The following GRB14 variants were observed in gnomAD, a reference collection of about 807,000 sequenced individuals.
GRB14 encodes growth factor receptor-bound protein 14.
GRB14 carries 38 observed loss-of-function variants against 69.1 expected under a neutral mutation model. That is an observed-to-expected ratio of 0.55 (90% CI 0.42 to 0.72). GRB14 has a LOEUF of 0.72. Ranked by LOEUF, GRB14 falls within the 30% of genes least tolerant of loss-of-function variation. The pLI is 0.00. For missense variants in GRB14, 666 were observed against 666.1 expected, an observed-to-expected ratio of 1.00 and a Z score of 0.00; for synonymous variants, 247 against 241.3, an observed-to-expected ratio of 1.02 and a Z score of -0.22.
In GRB14 at chr2:164,497,538, A is replaced by T. The variant is rs113917260; in HGVS notation, c.1105-48T>A. The T allele has an allele frequency of 5.4e-5, 64 of 1,184,020 alleles. No individual in the cohort carries two copies. The African/African-American group carries it at 7.7e-4, about 14-fold the overall frequency. The allele number at this position is 1,184,020 out of a possible 1,614,324, so 73.3% of individuals were successfully genotyped here. A position where few individuals can be genotyped will look rare whatever the true frequency, so the allele number is the denominator to read the frequency against. On this transcript the variant is annotated intron_variant, in intron 9 of 13. Transcript: ENST00000263915. ...AGTTATGAAAATTTCTTTGAAAGTT[A>T]TCTTTCAAATAAATTGAAAGTGTTT...
In GRB14 at chr2:164,502,301, G is replaced by T; in HGVS notation, c.1058C>A (p.Pro353Gln). 1 of 1,605,842 alleles carries T rather than the reference G, an allele frequency of 6.2e-7. No individual in the cohort carries two copies. The highest frequency in any genetic ancestry group is 8.5e-7 in the Non-Finnish European group (1 of 1,173,156). The stretch of plus-strand genomic sequence containing the variant: ...ACTGCAGCCACTTCTACCTTGATAT[G>T]GATGCATATAATTCTGGTACAGCTG... Reference protein sequence around the residue: ...GMQLYQNYMHPYQGRSGCSSQ... With the variant: ...GMQLYQNYMHQYQGRSGCSSQ... Residue 353 changes from proline (P) to glutamine (Q), a missense_variant, in exon 9 of 14, where the codon CCA (proline) becomes CAA (glutamine). Transcript: ENST00000263915.
At chr2:164,524,329 C>T (rs1013327489) in intron 5 of GRB14, among the ~76,000 whole-genome samples, 1 of 151,806 alleles carries the variant, frequency 6.6e-6, no homozygotes, top group Non-Finnish European at 1.5e-5. Flanking sequence ...ACAAATCTAT[C>T]GAAAATTAAA....
intron 2 of GRB14, among the ~76,000 whole-genome samples, chr2:164,553,556 C>A (rs1399205489): frequency 6.6e-6 from 1 of 152,184 alleles, no homozygotes; most frequent in African/African-American, 2.4e-5. Context: ...TGATATTCCA[C>A]GCAGTAAATC....
intron 13 of GRB14, among the ~76,000 whole-genome samples, chr2:164,493,540 A>T (rs777965970): frequency 6.6e-6 from 1 of 152,184 alleles, no homozygotes; most frequent in Non-Finnish European, 1.5e-5. Flanking sequence ...TTCCTTTTCT[A>T]AATGTTGTCT....
chr2:164,514,057 TA>T (rs1410872749), intron 6 of GRB14, among the ~76,000 whole-genome samples: 1 of 152,242 alleles, frequency 6.6e-6, no homozygotes, highest in Non-Finnish European at 1.5e-5. Flanking sequence ...ATGTAACCAT[TA>T]TATAGGTAAA....
chr2:164,587,853 A>G lies in GRB14; in HGVS notation c.324+31834T>C, dbSNP rs140700688. Among the ~76,000 whole-genome samples the G allele has an allele frequency of 4.2e-4, 64 of 152,340 alleles. No homozygotes were observed. In the East Asian group the frequency reaches 0.012, roughly 28 times the overall value. ...AAAGCTTTTCTCACAGAAGTAAAAC[A>G]TCACATGAAAGACGGGGTGAAATGG... On this transcript the variant is annotated intron_variant, in intron 2 of 13. Transcript: ENST00000263915.
At chr2:164,597,822 T>C (rs780943700) in intron 2 of GRB14, among the ~76,000 whole-genome samples, 4 of 151,920 alleles carry the variant, frequency 2.6e-5, no homozygotes, top group East Asian at 3.9e-4. Flanking sequence ...TAGGGAAAAA[T>C]GGAAATACTT....
intron 3 of GRB14, among the ~76,000 whole-genome samples, chr2:164,534,480 A>C (rs537146637): frequency 6.6e-6 from 1 of 152,182 alleles, no homozygotes; most frequent in Non-Finnish European, 1.5e-5. Flanking sequence ...TTCAACAGGA[A>C]TATACAAGAT....
Position 164,508,746 on chromosome 2 carries a change from A to G in GRB14, c.923T>C (p.Phe308Ser). 6.3e-7 allele frequency: 1 copy of G among 1,582,456 alleles called. No individual in the cohort carries two copies. The highest frequency in any genetic ancestry group is 8.6e-7 in the Non-Finnish European group (1 of 1,168,790). The change falls in exon 7 of 14, where the codon TTT becomes TCT. Residue 308 changes from phenylalanine (F) to serine (S), a missense_variant. Coordinates refer to ENST00000263915, the MANE Select transcript of GRB14 (RefSeq NM_004490.3). ...HGAPTNYGFC[F>S]KPNKAGGPRD... ...ATCAAAATATTAAGCCTGTACCTTA[A>G]AGCAGAATCCATAGTTAGTCGGTGC... is the stretch of plus-strand genomic sequence containing the variant.
intron 3 of GRB14, among the ~76,000 whole-genome samples, chr2:164,545,802 A>G (rs189126318): frequency 6.6e-6 from 1 of 152,200 alleles, no homozygotes; most frequent in African/African-American, 2.4e-5. Context: ...AAATCAGGGG[A>G]CAAAATTGTT....
intron 2 of GRB14, among the ~76,000 whole-genome samples, chr2:164,564,141 T>C (rs759056817): frequency 1.3e-5 from 2 of 152,132 alleles, no homozygotes; most frequent in Non-Finnish European, 2.9e-5. Flanking sequence ...ACTTAGGCAA[T>C]AGACAGCATT....
intron 1 of GRB14, 157 bp from the exon 2 acceptor site, chr2:164,619,976 A>G (rs1690407856): frequency 7.5e-6 from 4 of 534,750 alleles, no homozygotes; most frequent in South Asian, 7.0e-5. Context: ...TGTACTTTCT[A>G]TGGGTCAAAA....
intron 9 of GRB14, among the ~76,000 whole-genome samples, chr2:164,497,815 A>G (rs922155551): frequency 1.3e-5 from 2 of 152,188 alleles, no homozygotes; most frequent in South Asian, 4.1e-4. Context: ...GTTCTCTAGT[A>G]AAATGGGAAA....
At chr2:164,550,943 C>A (rs910288343) in intron 2 of GRB14, among the ~76,000 whole-genome samples, 1 of 152,146 alleles carries the variant, frequency 6.6e-6, no homozygotes, top group Non-Finnish European at 1.5e-5. Context: ...AGACTTGGTG[C>A]TCTGGTAGCT....
chr2:164,579,371 ATAATGATT>A (rs1574328197), intron 2 of GRB14, among the ~76,000 whole-genome samples: 1 of 152,332 alleles, frequency 6.6e-6, no homozygotes, highest in East Asian at 1.9e-4. Context: ...AACAAGTGAG[ATAATGATT>A]TAATGATTTA....
chr2:164,493,770 A>C (rs1280804898), intron 13 of GRB14, among the ~76,000 whole-genome samples: 2 of 151,452 alleles, frequency 1.3e-5, no homozygotes, highest in Non-Finnish European at 3.0e-5. Flanking sequence ...AAAAAGAGGC[A>C]ATTCAAAAGG....
At chr2:164,523,063 A>G (rs1181417346) in intron 5 of GRB14, among the ~76,000 whole-genome samples, 2 of 152,120 alleles carry the variant, frequency 1.3e-5, no homozygotes, top group Non-Finnish European at 2.9e-5. Flanking sequence ...AGAGAGAGAC[A>G]GTAAGTGGGG....
At chr2:164,593,240 C>G (rs916542364) in intron 2 of GRB14, among the ~76,000 whole-genome samples, 2 of 152,026 alleles carry the variant, frequency 1.3e-5, no homozygotes, top group East Asian at 3.9e-4. Flanking sequence ...AATATGAGAA[C>G]AGGAGCAAGA....
At chr2:164,549,173 C>T (rs992523963) in intron 2 of GRB14, among the ~76,000 whole-genome samples, 2 of 152,198 alleles carry the variant, frequency 1.3e-5, no homozygotes, top group Non-Finnish European at 2.9e-5. Flanking sequence ...AACCACCACA[C>T]CCAGTCCTTC....
Sources: gnomAD v4.1 joint callset for allele counts (sites outside exome capture counted in the v4.1 genomes callset) on GRCh38, gnomAD v4.1.1 for gene constraint, MANE v1.5 for transcripts, NCBI Gene and HGNC (gene_info 2026-07-23, HGNC 2026-07-21) for gene names.